Variants in TBCA observed in about 807,000 individuals in gnomAD.
The protein encoded by TBCA is tubulin-specific chaperone A.
Under a neutral mutation model 15.8 loss-of-function variants are expected in TBCA, and 6 were observed. That is an observed-to-expected ratio of 0.38 (90% CI 0.21 to 0.75). The LOEUF (loss-of-function observed/expected upper bound fraction) is 0.75. TBCA is among the 30% of genes least tolerant of loss of function. The pLI, the probability that TBCA is intolerant of heterozygous loss-of-function variation, is 0.46. For synonymous variants in TBCA, 32 were observed against 42.3 expected, an observed-to-expected ratio of 0.76 and a Z score of 0.94; for missense variants, 90 against 131.2, an observed-to-expected ratio of 0.69 and a Z score of 1.53.
chr5:77,761,651 ATACTC>A (rs766651517), intron 1 of TBCA, among the ~76,000 whole-genome samples: 1 of 151,962 alleles, frequency 6.6e-6, no homozygotes, highest in Non-Finnish European at 1.5e-5. Flanking sequence ...AAAAAAAAAA[ATACTC>A]TAATGCAAGT....
chr5:77,718,223 A>G (rs1407231882), intron 1 of TBCA, among the ~76,000 whole-genome samples: 1 of 152,232 alleles, frequency 6.6e-6, no homozygotes, highest in East Asian at 1.9e-4. Flanking sequence ...ATTACCTTCT[A>G]TCTACATCAC....
At chr5:77,774,906 G>T (rs1329268607) in intron 1 of TBCA, among the ~76,000 whole-genome samples, 1 of 148,288 alleles carries the variant, frequency 6.7e-6, no homozygotes, top group Non-Finnish European at 1.5e-5. Context: ...AAGCCAAAAA[G>T]AAAAGTCAAG....
chr5:77,693,485 T>C, intron 2 of TBCA, 133 bp from the exon 3 acceptor site: 4 of 1,071,426 alleles, frequency 3.7e-6, no homozygotes, highest in Non-Finnish European at 4.0e-6. Context: ...TTCAATATTT[T>C]AACTTAAATT....
At chr5:77,731,882 A>C (rs1448821383) in intron 1 of TBCA, among the ~76,000 whole-genome samples, 1 of 152,210 alleles carries the variant, frequency 6.6e-6, no homozygotes, top group Non-Finnish European at 1.5e-5. Context: ...GAAAATTCCA[A>C]AAGATATGAG....
chr5:77,746,358 G>A (rs1415769856), intron 1 of TBCA, among the ~76,000 whole-genome samples: 2 of 152,036 alleles, frequency 1.3e-5, no homozygotes, highest in Admixed American at 6.6e-5. Context: ...CTAGACAAGT[G>A]GGACATTAAA....
intron 2 of TBCA, among the ~76,000 whole-genome samples, chr5:77,707,175 G>A (rs965559158): frequency 6.6e-6 from 1 of 152,080 alleles, no homozygotes; most frequent in Non-Finnish European, 1.5e-5. Flanking sequence ...AAGGGCTAGG[G>A]CACATAGTCC....
chr5:77,759,847 T>A (rs1181364726), intron 1 of TBCA, among the ~76,000 whole-genome samples: 1 of 152,206 alleles, frequency 6.6e-6, no homozygotes, highest in Non-Finnish European at 1.5e-5. Context: ...TACTTATAAG[T>A]ATGCATAATT....
At chr5:77,710,824 T>C (rs377251649) in intron 1 of TBCA, among the ~76,000 whole-genome samples, 2 of 152,352 alleles carry the variant, frequency 1.3e-5, no homozygotes, top group African/African-American at 4.8e-5. Flanking sequence ...AGTATTATTA[T>C]TGTTGTTTTA....
chr5:77,711,147 G>T (rs904330682), intron 1 of TBCA, among the ~76,000 whole-genome samples: 1 of 152,146 alleles, frequency 6.6e-6, no homozygotes, highest in African/African-American at 2.4e-5. Context: ...TTTTTTAAAA[G>T]ATTTGTCATA....
At chr5:77,727,168 C>T (rs1056943350) in intron 1 of TBCA, among the ~76,000 whole-genome samples, 1 of 140,542 alleles carries the variant, frequency 7.1e-6, no homozygotes, top group South Asian at 2.3e-4. Flanking sequence ...ACCCAGGAGG[C>T]GGAGGTTGCA....
At chr5:77,728,984 C>T (rs182797227) in intron 1 of TBCA, among the ~76,000 whole-genome samples, 4 of 151,924 alleles carry the variant, frequency 2.6e-5, no homozygotes, top group Admixed American at 6.6e-5. Flanking sequence ...ATATTATAGT[C>T]GAATGCCAAT....
At chr5:77,710,724 A>G (rs1047514896) in intron 1 of TBCA, among the ~76,000 whole-genome samples, 4 of 152,020 alleles carry the variant, frequency 2.6e-5, no homozygotes, top group African/African-American at 4.8e-5. Context: ...CTCAATTCAC[A>G]TAACTCCCTG....
At chr5:77,744,260 T>C (rs1190226185) in intron 1 of TBCA, among the ~76,000 whole-genome samples, 1 of 152,132 alleles carries the variant, frequency 6.6e-6, no homozygotes, top group Non-Finnish European at 1.5e-5. Flanking sequence ...ATTGTGACAA[T>C]TTCTGGAGAC....
chr5:77,757,337 T>C (rs1747498824), intron 1 of TBCA, among the ~76,000 whole-genome samples: 1 of 152,192 alleles, frequency 6.6e-6, no homozygotes, highest in African/African-American at 2.4e-5. Flanking sequence ...AGCTAAAGAC[T>C]GCTCTCTAGC....
At chr5:77,750,368 T>C (rs1165874834) in intron 1 of TBCA, among the ~76,000 whole-genome samples, 3 of 152,120 alleles carry the variant, frequency 2.0e-5, no homozygotes, top group Admixed American at 6.5e-5. Flanking sequence ...TTTTACAATA[T>C]TTATCAAGAT....
chr5:77,764,705 T>C (rs1164873950), intron 1 of TBCA, among the ~76,000 whole-genome samples: 1 of 152,240 alleles, frequency 6.6e-6, no homozygotes, highest in Admixed American at 6.5e-5. Flanking sequence ...AAAATATGTA[T>C]GTGAAACACT....
intron 1 of TBCA, among the ~76,000 whole-genome samples, chr5:77,744,881 G>T (rs1211715504): frequency 6.6e-6 from 1 of 152,048 alleles, no homozygotes; most frequent in Non-Finnish European, 1.5e-5. Flanking sequence ...ATATAAATTT[G>T]TCAAAGTATA....
At chr5:77,719,936 C>T (rs1017998534) in intron 1 of TBCA, among the ~76,000 whole-genome samples, 2 of 152,102 alleles carry the variant, frequency 1.3e-5, no homozygotes, top group African/African-American at 4.8e-5. Context: ...TGCTTCATCT[C>T]CATACAAAAC....
intron 1 of TBCA, among the ~76,000 whole-genome samples, chr5:77,759,046 C>A (rs1452474813): frequency 6.6e-6 from 1 of 152,192 alleles, no homozygotes. Context: ...TGACGGTCAC[C>A]TGACACTCCT....
Sources: allele counts gnomAD v4.1 joint callset (sites outside exome capture counted in the v4.1 genomes callset), GRCh38; gene constraint gnomAD v4.1.1; transcripts MANE v1.5; gene names NCBI Gene and HGNC (gene_info 2026-07-23, HGNC 2026-07-21).